The following WWOX variants were observed in gnomAD, a reference collection of about 807,000 sequenced individuals.
WWOX encodes WW domain containing oxidoreductase.
WWOX carries 69 observed loss-of-function variants against 46.2 expected under a neutral mutation model. That is an observed-to-expected ratio of 1.49 (90% CI 1.23 to 1.82). WWOX has a LOEUF of 1.82. WWOX is among the 40% of genes most tolerant of loss of function. The pLI is 0.00. For missense variants in WWOX, 919 were observed against 542.6 expected (o/e 1.69, Z -6.89); for synonymous variants, 359 against 202.6 (o/e 1.77, Z -6.56).
At chr16:78,887,085 TGTGTGTG>T (rs1567627198) in intron 8 of WWOX, among the ~76,000 whole-genome samples, 8 of 13,400 alleles carry the variant, frequency 6.0e-4, no homozygotes, top group African/African-American at 7.1e-4. Context: ...GTGGTGTGTG[TGTGTGTG>T]TGTGTGTGTG....
chr16:78,297,912 A>C (rs1216062514), intron 5 of WWOX, among the ~76,000 whole-genome samples: 1 of 152,110 alleles, frequency 6.6e-6, no homozygotes, highest in African/African-American at 2.4e-5. Flanking sequence ...CTCATCTTGA[A>C]TTCTAATTGT....
intron 8 of WWOX, among the ~76,000 whole-genome samples, chr16:78,914,236 CTATT>C (rs2045188105): frequency 1.3e-5 from 2 of 152,156 alleles, no homozygotes; most frequent in South Asian, 2.1e-4. Context: ...ATCCATCCGT[CTATT>C]CATTCATTCA....
intron 8 of WWOX, among the ~76,000 whole-genome samples, chr16:78,711,017 G>A (rs76395230): frequency 1.3e-5 from 2 of 152,132 alleles, no homozygotes; most frequent in African/African-American, 4.8e-5. Flanking sequence ...TGTTTGTCAA[G>A]GCCAGATTTC....
rs1195539969 is a variant in WWOX at position 78,933,199 on chromosome 16, C to G, written c.1057-278409C>G. Among the ~76,000 whole-genome samples the G allele has an allele frequency of 2.0e-5, 3 of 152,118 alleles. No individual in the cohort carries two copies. The South Asian group carries it at 6.2e-4, about 32-fold the overall frequency. ...CACGCCTGTAATCCCAGCACTTTGG[C>G]AGGCCAAGGCGGGTGGATCACCTAA... On this transcript the variant is annotated intron_variant, in intron 8 of 8. Coordinates refer to ENST00000566780, the MANE Select transcript of WWOX (RefSeq NM_016373.4).
chr16:78,996,882 G>C (rs969330624), intron 8 of WWOX, among the ~76,000 whole-genome samples: 3 of 152,198 alleles, frequency 2.0e-5, no homozygotes, highest in African/African-American at 7.2e-5. Flanking sequence ...CTGCAGAGCT[G>C]CGTCCACAGT....
chr16:78,939,230 A>G (rs917332099), intron 8 of WWOX, among the ~76,000 whole-genome samples: 6 of 152,142 alleles, frequency 3.9e-5, no homozygotes, highest in African/African-American at 7.2e-5. Context: ...TCTGCTAGAC[A>G]CAGAATTGGG....
At chr16:78,415,347 A>G (rs1354823379) in intron 6 of WWOX, among the ~76,000 whole-genome samples, 1 of 152,030 alleles carries the variant, frequency 6.6e-6, no homozygotes, top group Non-Finnish European at 1.5e-5. Flanking sequence ...TGTCGTTGCC[A>G]TCTTTGTTTT....
chr16:78,837,433 A>G (rs148536356), intron 8 of WWOX, among the ~76,000 whole-genome samples: 139 of 152,356 alleles, frequency 9.1e-4, no homozygotes, highest in Middle Eastern at 3.4e-3. Flanking sequence ...TGGTTGAACC[A>G]AAAGCAATTT....
At chr16:78,922,481 C>T (rs545030098) in intron 8 of WWOX, among the ~76,000 whole-genome samples, 28 of 151,280 alleles carry the variant, frequency 1.9e-4, no homozygotes, top group Admixed American at 6.6e-4. Flanking sequence ...CGGGTTCAAG[C>T]GATTCTCGTG....
intron 8 of WWOX, among the ~76,000 whole-genome samples, chr16:78,785,586 T>C (rs1325640100): frequency 6.6e-6 from 1 of 152,234 alleles, no homozygotes; most frequent in Non-Finnish European, 1.5e-5. Flanking sequence ...CACAGTACTG[T>C]TTCTTATAAA....
At position 78,986,241 on chromosome 16, in the gene WWOX, C is replaced by T. The variant is rs146306957; in HGVS notation, c.1057-225367C>T. Among the ~76,000 whole-genome samples the T allele has an allele frequency of 1.2e-4, 18 of 152,302 alleles. No homozygotes were observed. The East Asian group carries it at 3.5e-3, about 29-fold the overall frequency. Reference sequence around the variant, plus strand: ...TTTTCCACTGGGGATGATAGAAAAACTTATTGAAAATAGTTAATCAGTTTT... The same window carrying T: ...TTTTCCACTGGGGATGATAGAAAAATTTATTGAAAATAGTTAATCAGTTTT... On this transcript the variant is annotated intron_variant, in intron 8 of 8. Transcript: ENST00000566780.
intron 8 of WWOX, among the ~76,000 whole-genome samples, chr16:78,979,641 C>A (rs944894621): frequency 6.6e-6 from 1 of 152,140 alleles, no homozygotes; most frequent in Non-Finnish European, 1.5e-5. Flanking sequence ...GATCTTGTTA[C>A]TCAGATGTCT....
chr16:78,709,449 C>T (rs989927778), intron 8 of WWOX, among the ~76,000 whole-genome samples: 1 of 151,326 alleles, frequency 6.6e-6, no homozygotes, highest in African/African-American at 2.5e-5. Flanking sequence ...GTCAGATCAG[C>T]CTTGGTGAGA....
At chr16:78,917,158 A>G (rs984762794) in intron 8 of WWOX, among the ~76,000 whole-genome samples, 6 of 152,112 alleles carry the variant, frequency 3.9e-5, no homozygotes, top group Admixed American at 1.3e-4. Context: ...CTCTCAACCA[A>G]TTTTTGTAGC....
chr16:78,503,728 T>C (rs1849843991), intron 8 of WWOX: 1 of 152,234 alleles, frequency 6.6e-6, no homozygotes, highest in South Asian at 2.1e-4. Context: ...AAAGAGCCTG[T>C]GTTCTATCAG....
intron 8 of WWOX, among the ~76,000 whole-genome samples, chr16:78,577,189 T>A (rs2044905072): frequency 6.6e-6 from 1 of 152,210 alleles, no homozygotes; most frequent in African/African-American, 2.4e-5. Context: ...TAAAGTCAGT[T>A]ACATAACCAA....
intron 5 of WWOX, among the ~76,000 whole-genome samples, chr16:78,380,263 C>T (rs537628935): frequency 1.3e-5 from 2 of 152,242 alleles, no homozygotes; most frequent in African/African-American, 4.8e-5. Context: ...ATAGTGTGGA[C>T]ATAATGGAAT....
At chr16:78,681,363 C>T (rs2047724825) in intron 8 of WWOX, among the ~76,000 whole-genome samples, 1 of 152,116 alleles carries the variant, frequency 6.6e-6, no homozygotes, top group Admixed American at 6.5e-5. Flanking sequence ...ATGATCTTGC[C>T]ACTATACATC....
intron 6 of WWOX, among the ~76,000 whole-genome samples, chr16:78,405,402 G>A (rs1567552702): frequency 6.6e-6 from 1 of 152,152 alleles, no homozygotes; most frequent in Non-Finnish European, 1.5e-5. Flanking sequence ...ATACTTGATG[G>A]TGTCTGTCAA....
Sources: gnomAD v4.1 joint callset for allele counts (sites outside exome capture counted in the v4.1 genomes callset) on GRCh38, gnomAD v4.1.1 for gene constraint, MANE v1.5 for transcripts, NCBI Gene and HGNC (gene_info 2026-07-23, HGNC 2026-07-21) for gene names.